CLIC5: variants seen among roughly 807,000 people sequenced by gnomAD.
CLIC5 encodes chloride intracellular channel protein 5.
In CLIC5, 20 loss-of-function variants were observed where a neutral mutation model predicts 24.7. The observed-to-expected ratio is 0.81, with a 90% CI of 0.57 to 1.18. The LOEUF is 1.18. CLIC5 is among the 50% of genes most tolerant of loss of function. The probability of loss-of-function intolerance (pLI) is 0.00; values close to 1 mark genes in which losing one functional copy is unlikely to be tolerated. For synonymous variants in CLIC5, 159 were observed against 135.6 expected (o/e 1.17, Z -1.20); for missense variants, 341 against 326.1 (o/e 1.05, Z -0.35).
intron 1 of CLIC5, among the ~76,000 whole-genome samples, chr6:46,037,328 G>A (rs2127458820): frequency 6.6e-6 from 1 of 152,290 alleles, no homozygotes; most frequent in African/African-American, 2.4e-5. Flanking sequence ...GATTGCTTCA[G>A]TTGTATTGTT....
intron 1 of CLIC5, among the ~76,000 whole-genome samples, chr6:46,034,679 C>G (rs1199940663): frequency 6.6e-6 from 1 of 152,236 alleles, no homozygotes; most frequent in Non-Finnish European, 1.5e-5. Flanking sequence ...CAGCCCATCT[C>G]TTTCTGCCTT....
At chr6:46,004,049 T>C (rs1766454214) in intron 1 of CLIC5, among the ~76,000 whole-genome samples, 1 of 152,092 alleles carries the variant, frequency 6.6e-6, no homozygotes, top group Non-Finnish European at 1.5e-5. Flanking sequence ...TAACAGAATA[T>C]GGGAAATAAC....
At chr6:45,998,324 C>T (rs776697360) in intron 1 of CLIC5, among the ~76,000 whole-genome samples, 8 of 152,198 alleles carry the variant, frequency 5.3e-5, no homozygotes, top group Admixed American at 3.9e-4. Context: ...AGAGGAGCAG[C>T]ATGTGTCAGC....
At chr6:45,912,337 AC>A (rs1354042472) in intron 5 of CLIC5, 3 of 1,021,036 alleles carry the variant, frequency 2.9e-6, no homozygotes, top group Non-Finnish European at 3.5e-6. Flanking sequence ...TGGGTTAACC[AC>A]CCACTGAATT....
At chr6:46,001,768 C>A (rs1293440555) in intron 1 of CLIC5, among the ~76,000 whole-genome samples, 2 of 152,166 alleles carry the variant, frequency 1.3e-5, no homozygotes, top group East Asian at 1.9e-4. Context: ...TCCATGGGAC[C>A]TTGAGCAAAA....
At chr6:45,952,936 T>C (rs560479434) in intron 2 of CLIC5, among the ~76,000 whole-genome samples, 3 of 152,318 alleles carry the variant, frequency 2.0e-5, no homozygotes, top group South Asian at 4.1e-4. Flanking sequence ...TGGATGCAAG[T>C]TCATTTATTT....
intron 1 of CLIC5, among the ~76,000 whole-genome samples, chr6:46,053,282 G>A (rs1768154943): frequency 6.6e-6 from 1 of 152,122 alleles, no homozygotes; most frequent in Non-Finnish European, 1.5e-5. Flanking sequence ...CAGGCTGGTA[G>A]GGCAGATGGA....
chr6:46,078,012 G>A (rs1324515712), intron 1 of CLIC5, among the ~76,000 whole-genome samples: 1 of 151,934 alleles, frequency 6.6e-6, no homozygotes, highest in African/African-American at 2.4e-5. Context: ...CCTGTCACAG[G>A]TTGCATGGAT....
chr6:45,911,522 G>C (rs1282688635), intron 5 of CLIC5: 4 of 830,014 alleles, frequency 4.8e-6, no homozygotes. Context: ...CAAGAGAACT[G>C]GCTGGAATTT....
At chr6:46,115,120 A>C in the CLIC5 span, among the ~76,000 whole-genome samples, 1 of 152,148 alleles carries the variant, frequency 6.6e-6, no homozygotes, top group Admixed American at 6.5e-5. Context: ...TCTGGTTGAG[A>C]GCTTAGGAGG....
intron 5 of CLIC5, among the ~76,000 whole-genome samples, chr6:45,911,174 G>C (rs1417508057): frequency 6.6e-6 from 1 of 152,168 alleles, no homozygotes; most frequent in African/African-American, 2.4e-5. Context: ...CCTAGGAGTA[G>C]TAGCTGCCTC....
intron 5 of CLIC5, among the ~76,000 whole-genome samples, chr6:45,908,491 C>G (rs1199675582): frequency 1.3e-5 from 2 of 152,016 alleles, no homozygotes; most frequent in African/African-American, 2.4e-5. Context: ...TCATTTATTT[C>G]AAAGAATGTT....
chr6:46,100,494 G>A, the CLIC5 span, among the ~76,000 whole-genome samples: 13 of 152,108 alleles, frequency 8.5e-5, no homozygotes, highest in African/African-American at 3.1e-4. Flanking sequence ...CAAGCTGCAG[G>A]AGCTACACTA....
chr6:46,086,270 T>C, the CLIC5 span, among the ~76,000 whole-genome samples: 4 of 152,242 alleles, frequency 2.6e-5, no homozygotes, highest in Non-Finnish European at 5.9e-5. Flanking sequence ...GCCCACTGTC[T>C]GGCACTCCCT....
At chr6:45,977,103 A>T (rs1409714044) in intron 1 of CLIC5, among the ~76,000 whole-genome samples, 1 of 152,140 alleles carries the variant, frequency 6.6e-6, no homozygotes, top group Non-Finnish European at 1.5e-5. Flanking sequence ...ATTTGTAATA[A>T]ATATTTATTT....
the CLIC5 span, among the ~76,000 whole-genome samples, chr6:46,086,061 T>C: frequency 6.6e-5 from 10 of 152,232 alleles, no homozygotes; most frequent in Non-Finnish European, 1.3e-4. Flanking sequence ...GTGTGGGATA[T>C]AACCTCCTGG....
At position 46,015,725 on chromosome 6, in the gene CLIC5, T is replaced by A; in HGVS notation, c.-183A>T. The A allele has an allele frequency of 1.6e-6, 2 of 1,250,432 alleles. No homozygotes were observed. The highest frequency in any genetic ancestry group is 2.0e-6 in the Non-Finnish European group (2 of 997,044). The allele number at this position is 1,250,432 out of a possible 1,614,324, so 77.5% of individuals were successfully genotyped here. ...GGGTCTGAGAGATCAGTGTCCCAGA[T>A]GCTCACATGAAAAGGAGCGAAGCCG... On this transcript the variant is annotated 5_prime_UTR_variant, in exon 1 of 6. Coordinates refer to ENST00000339561, the MANE Select transcript of CLIC5 (RefSeq NM_016929.5).
intron 6 of CLIC5, among the ~76,000 whole-genome samples, chr6:45,891,946 T>G (rs1581704229): frequency 6.6e-6 from 1 of 152,356 alleles, no homozygotes; most frequent in Non-Finnish European, 1.5e-5. Flanking sequence ...TATACAGAAG[T>G]GTCTCCAAGA....
At chr6:45,950,255 A>G (rs1561957754) in intron 2 of CLIC5, among the ~76,000 whole-genome samples, 1 of 152,226 alleles carries the variant, frequency 6.6e-6, no homozygotes, top group Non-Finnish European at 1.5e-5. Context: ...TTTAATGGCT[A>G]CATGAATAAA....
Sources: gnomAD v4.1 joint callset for allele counts (sites outside exome capture counted in the v4.1 genomes callset) on GRCh38, gnomAD v4.1.1 for gene constraint, MANE v1.5 for transcripts, NCBI Gene and HGNC (gene_info 2026-07-23, HGNC 2026-07-21) for gene names.